PTPRM: variants seen among roughly 807,000 people sequenced by gnomAD.
The protein encoded by PTPRM is protein tyrosine phosphatase receptor type M.
A neutral mutation model predicts 186.7 loss-of-function variants in PTPRM; 47 were observed. The observed-to-expected ratio is 0.25, with a 90% CI of 0.20 to 0.32. The LOEUF (loss-of-function observed/expected upper bound fraction) is 0.32, where lower values mean the gene tolerates loss of function less well. Ranked by LOEUF, PTPRM falls within the 10% of genes least tolerant of loss-of-function variation. The pLI is 1.00. For missense variants in PTPRM, 1,494 were observed against 1,865.0 expected (o/e 0.80, Z 3.66); for synonymous variants, 668 against 674.9 (o/e 0.99, Z 0.16).
intron 2 of PTPRM, among the ~76,000 whole-genome samples, chr18:7,789,192 G>A (rs904717523): frequency 4.6e-5 from 7 of 152,106 alleles, no homozygotes; most frequent in Non-Finnish European, 8.8e-5. Flanking sequence ...AGGCATGTTG[G>A]CACATGTCTG....
intron 2 of PTPRM, among the ~76,000 whole-genome samples, chr18:7,851,332 C>A (rs539552947): frequency 8.9e-4 from 136 of 152,238 alleles, no homozygotes; most frequent in African/African-American, 3.2e-3. Context: ...AAACTGACAT[C>A]AAGCCACAGA....
chr18:8,340,074 A>G (rs1044804195), intron 22 of PTPRM, among the ~76,000 whole-genome samples: 1 of 152,138 alleles, frequency 6.6e-6, no homozygotes, highest in Non-Finnish European at 1.5e-5. Context: ...CCCACCCCTG[A>G]GCAATTTTAC....
intron 14 of PTPRM, among the ~76,000 whole-genome samples, chr18:8,196,831 G>A (rs1278103705): frequency 6.6e-6 from 1 of 152,132 alleles, no homozygotes; most frequent in Non-Finnish European, 1.5e-5. Flanking sequence ...GTCACCTCAG[G>A]GCAGTTTGCT....
intron 19 of PTPRM, among the ~76,000 whole-genome samples, chr18:8,256,905 G>GT (rs2094579966): frequency 6.6e-6 from 1 of 152,212 alleles, no homozygotes; most frequent in Non-Finnish European, 1.5e-5. Flanking sequence ...AAAATTATTG[G>GT]TTGCTGCATT....
intron 5 of PTPRM, among the ~76,000 whole-genome samples, chr18:7,933,269 T>C (rs750872146): frequency 6.6e-6 from 1 of 152,194 alleles, no homozygotes; most frequent in Admixed American, 6.5e-5. Flanking sequence ...AAGGTGAAAG[T>C]GCTCAACCTA....
chr18:8,038,451 G>A (rs984715514), intron 7 of PTPRM, among the ~76,000 whole-genome samples: 3 of 150,246 alleles, frequency 2.0e-5, no homozygotes, highest in East Asian at 2.0e-4. Context: ...GAGTGCAGTG[G>A]TGCAATCTCA....
At chr18:8,138,446 C>T (rs2092688608) in intron 13 of PTPRM, among the ~76,000 whole-genome samples, 1 of 152,140 alleles carries the variant, frequency 6.6e-6, no homozygotes, top group Admixed American at 6.5e-5. Flanking sequence ...CAGATCCCAC[C>T]CATGCCCAGC....
chr18:7,915,375 A>T (rs558988840), intron 4 of PTPRM, among the ~76,000 whole-genome samples: 2 of 152,232 alleles, frequency 1.3e-5, no homozygotes, highest in South Asian at 4.2e-4. Flanking sequence ...TTCTTTTTGA[A>T]TATGAGATAG....
At chr18:7,874,739 A>T (rs1395294084) in intron 2 of PTPRM, among the ~76,000 whole-genome samples, 1 of 152,246 alleles carries the variant, frequency 6.6e-6, no homozygotes, top group Non-Finnish European at 1.5e-5. Context: ...ACAGTGATAG[A>T]AATATATGTG....
intron 2 of PTPRM, among the ~76,000 whole-genome samples, chr18:7,840,638 G>T (rs1165980273): frequency 1.3e-5 from 2 of 152,188 alleles, no homozygotes; most frequent in Admixed American, 6.5e-5. Context: ...ACTTGCTGTA[G>T]CAGGAAATTG....
intron 19 of PTPRM, among the ~76,000 whole-genome samples, chr18:8,261,746 C>T (rs1022330721): frequency 9.9e-5 from 15 of 152,220 alleles, no homozygotes; most frequent in African/African-American, 3.6e-4. Context: ...TTTCCTACAA[C>T]TCTCCATGCT....
At chr18:8,323,986 T>A (rs681383) in intron 22 of PTPRM, among the ~76,000 whole-genome samples, 132,561 of 152,116 alleles carry the variant, frequency 0.87, 58,211 homozygotes, top group Middle Eastern at 0.93. Context: ...GGACCTCAGG[T>A]TATGAACTTT....
intron 2 of PTPRM, among the ~76,000 whole-genome samples, chr18:7,883,469 A>AT (rs1227771537): frequency 6.6e-6 from 1 of 152,164 alleles, no homozygotes; most frequent in East Asian, 1.9e-4. Context: ...CAGATAGGTG[A>AT]TAAAAACGAA....
intron 6 of PTPRM, among the ~76,000 whole-genome samples, chr18:7,954,208 G>C (rs1319454230): frequency 6.6e-6 from 1 of 152,154 alleles, no homozygotes; most frequent in African/African-American, 2.4e-5. Context: ...GAAAGAGTCG[G>C]TCTCAGATTT....
At chr18:8,177,041 T>A (rs1391210465) in intron 14 of PTPRM, among the ~76,000 whole-genome samples, 2 of 152,230 alleles carry the variant, frequency 1.3e-5, no homozygotes, top group Non-Finnish European at 2.9e-5. Context: ...TTTTTCATAT[T>A]TCTTCTGTCA....
intron 4 of PTPRM, among the ~76,000 whole-genome samples, chr18:7,911,093 G>A (rs1423645425): frequency 6.6e-6 from 1 of 152,182 alleles, no homozygotes; most frequent in Non-Finnish European, 1.5e-5. Context: ...CCATGTTATA[G>A]TGTATATCAA....
chr18:8,022,818 A>G (rs778315804), intron 7 of PTPRM, among the ~76,000 whole-genome samples: 1 of 152,170 alleles, frequency 6.6e-6, no homozygotes, highest in Non-Finnish European at 1.5e-5. Flanking sequence ...TTAAATGCCT[A>G]ACGTTTACTG....
At chr18:8,256,048 C>T (rs181541093) in intron 19 of PTPRM, among the ~76,000 whole-genome samples, 2 of 152,302 alleles carry the variant, frequency 1.3e-5, no homozygotes, top group Admixed American at 1.3e-4. Context: ...GAGAATCTGG[C>T]AAATCCTTAA....
At chr18:7,687,259 C>T (rs1242290617) in intron 1 of PTPRM, among the ~76,000 whole-genome samples, 1 of 151,962 alleles carries the variant, frequency 6.6e-6, no homozygotes, top group Non-Finnish European at 1.5e-5. Context: ...AAATTCACAG[C>T]AAAAAGGATT....
Sources: gnomAD v4.1 joint callset for allele counts (sites outside exome capture counted in the v4.1 genomes callset) on GRCh38, gnomAD v4.1.1 for gene constraint, MANE v1.5 for transcripts, NCBI Gene and HGNC (gene_info 2026-07-23, HGNC 2026-07-21) for gene names.